TMEM132C: variants seen among roughly 807,000 people sequenced by gnomAD.
TMEM132C encodes the protein transmembrane protein 132C.
TMEM132C carries 29 observed loss-of-function variants against 61.4 expected under a neutral mutation model. The observed-to-expected ratio is 0.47, with a 90% CI of 0.35 to 0.64. The LOEUF is 0.64. Among genes scored for constraint, TMEM132C ranks in the 30% least tolerant of loss-of-function variants. The pLI is 0.00. For missense variants in TMEM132C, 1,408 were observed against 1,476.9 expected (o/e 0.95, Z 0.76); for synonymous variants, 656 against 633.1 (o/e 1.04, Z -0.54).
intron 2 of TMEM132C, among the ~76,000 whole-genome samples, chr12:128,455,022 G>A (rs1234374355): frequency 1.3e-5 from 2 of 152,186 alleles, no homozygotes; most frequent in Non-Finnish European, 2.9e-5. Context: ...TCCTCCTCAT[G>A]TCCACAAAAT....
intron 1 of TMEM132C, among the ~76,000 whole-genome samples, chr12:128,300,463 T>A (rs1316088670): frequency 6.6e-6 from 1 of 152,078 alleles, no homozygotes; most frequent in African/African-American, 2.4e-5. Flanking sequence ...CTTCCTGCAT[T>A]TTTTCTTCTG....
intron 6 of TMEM132C, 81 bp from the exon 7 acceptor site, chr12:128,695,749 T>C (rs1057318943): frequency 1.4e-6 from 2 of 1,432,968 alleles, no homozygotes; most frequent in African/African-American, 2.9e-5. Context: ...CTCCTTGAGG[T>C]TGAGGTGAGC....
rs559696038 is a variant in TMEM132C, at chr12:128,330,411, G to A, written c.85+62924G>A. On this transcript the variant is annotated intron_variant, in intron 1 of 8. Transcript: ENST00000435159. ...TTTTTAAAAGTGTATTTCTAGGGCC[G>A]GCATAGTGGTGTGCACCTGTAGTCC... Among the ~76,000 whole-genome samples, 4 of 152,198 alleles carry A rather than the reference G, an allele frequency of 2.6e-5. No individual in the cohort carries two copies. The South Asian group carries it at 6.2e-4, about 24-fold the overall frequency.
At chr12:128,672,213 G>A (rs1368066295) in intron 5 of TMEM132C, among the ~76,000 whole-genome samples, 1 of 151,986 alleles carries the variant, frequency 6.6e-6, no homozygotes, top group Non-Finnish European at 1.5e-5. Flanking sequence ...CCCATTTCCA[G>A]TGCTTCATAG....
chr12:128,398,164 T>C (rs953475683), intron 1 of TMEM132C, among the ~76,000 whole-genome samples: 8 of 152,256 alleles, frequency 5.3e-5, no homozygotes, highest in Non-Finnish European at 1.2e-4. Flanking sequence ...GCTCAAGCCA[T>C]GGAGGAGAAA....
chr12:128,606,192 C>A (rs1439073055), intron 3 of TMEM132C, among the ~76,000 whole-genome samples: 1 of 152,252 alleles, frequency 6.6e-6, no homozygotes, highest in African/African-American at 2.4e-5. Context: ...TGGAGAATGA[C>A]TACATGACAC....
intron 2 of TMEM132C, among the ~76,000 whole-genome samples, chr12:128,503,262 G>A (rs10847631): frequency 0.054 from 8,233 of 152,288 alleles, 312 homozygotes; most frequent in African/African-American, 0.11. Context: ...TTCATCTGAC[G>A]AAAGCTTGAT....
Position 128,415,349 on chromosome 12 carries a change from G to A in TMEM132C, c.703G>A (p.Gly235Arg). The A allele has an allele frequency of 6.4e-7, 1 of 1,574,144 alleles. No homozygotes were observed. Among genetic ancestry groups the A allele is most frequent in the South Asian group, 1.2e-5 (1 of 86,390 alleles). ...PVELYYTVHP[G>R]NERGDCAGGD... ...GGAGCTCTACTACACCGTGCACCCA[G>A]GAAACGAGCGAGGGGACTGTGCCGG... The change falls in exon 2 of 9, where the codon GGA becomes AGA. Residue 235 changes from glycine to arginine, a missense_variant. By Grantham distance (125) the Gly-to-Arg change is moderately radical. Transcript: ENST00000435159. This position sits in a 1 kb window ranked among gnomAD's most constrained non-coding sequence, Gnocchi z 5.8.
At chr12:128,614,564 C>T (rs990923222) in intron 3 of TMEM132C, among the ~76,000 whole-genome samples, 1 of 152,230 alleles carries the variant, frequency 6.6e-6, no homozygotes, top group African/African-American at 2.4e-5. Context: ...GGAGATGCTA[C>T]ATTTTATGTT....
intron 5 of TMEM132C, among the ~76,000 whole-genome samples, chr12:128,691,761 C>T (rs1425625001): frequency 6.6e-6 from 1 of 151,720 alleles, no homozygotes; most frequent in Non-Finnish European, 1.5e-5. Flanking sequence ...CACCCATTCA[C>T]CTGTCCACCC....
At chr12:128,688,553 T>C (rs1307444304) in intron 5 of TMEM132C, among the ~76,000 whole-genome samples, 2 of 152,310 alleles carry the variant, frequency 1.3e-5, no homozygotes, top group East Asian at 3.9e-4. Flanking sequence ...GTGACTCACA[T>C]GAACGTGCTA....
intron 1 of TMEM132C, among the ~76,000 whole-genome samples, chr12:128,296,627 A>C (rs1566046726): frequency 6.6e-6 from 1 of 152,178 alleles, no homozygotes; most frequent in Non-Finnish European, 1.5e-5. Flanking sequence ...GTCACTAGAA[A>C]GGGAGCTGGA....
At chr12:128,348,977 G>C (rs539694718) in intron 1 of TMEM132C, among the ~76,000 whole-genome samples, 3 of 152,118 alleles carry the variant, frequency 2.0e-5, no homozygotes, top group Admixed American at 2.0e-4. Flanking sequence ...TTTGTTATTT[G>C]TAACCCTGAA....
intron 4 of TMEM132C, among the ~76,000 whole-genome samples, chr12:128,635,579 T>C (rs1217720265): frequency 6.6e-6 from 1 of 151,894 alleles, no homozygotes; most frequent in Non-Finnish European, 1.5e-5. Context: ...AGCACACATA[T>C]GGGAGAGTTC....
At chr12:128,343,575 A>G (rs968699920) in intron 1 of TMEM132C, among the ~76,000 whole-genome samples, 11 of 152,180 alleles carry the variant, frequency 7.2e-5, no homozygotes, top group East Asian at 1.9e-4. Flanking sequence ...ATTCCACTAA[A>G]TCATTTTTTT....
chr12:128,377,546 G>T (rs1396830073), intron 1 of TMEM132C, among the ~76,000 whole-genome samples: 1 of 152,212 alleles, frequency 6.6e-6, no homozygotes, highest in East Asian at 1.9e-4. Flanking sequence ...AGCATGGAAT[G>T]AAATGGAAGT....
intron 2 of TMEM132C, among the ~76,000 whole-genome samples, chr12:128,418,875 C>A (rs1868875016): frequency 6.6e-6 from 1 of 152,198 alleles, no homozygotes; most frequent in African/African-American, 2.4e-5. Context: ...AAAAGATGAG[C>A]TCGGTCTGCT....
chr12:128,505,454 G>A (rs1483463163), intron 2 of TMEM132C, among the ~76,000 whole-genome samples: 1 of 152,142 alleles, frequency 6.6e-6, no homozygotes, highest in Non-Finnish European at 1.5e-5. Flanking sequence ...GCAATCAAAG[G>A]AGTCTGTGGG....
chr12:128,487,492 G>A (rs879338464), intron 2 of TMEM132C, among the ~76,000 whole-genome samples: 7 of 134,254 alleles, frequency 5.2e-5, no homozygotes, highest in African/African-American at 1.4e-4. Context: ...GTGTGTGTGT[G>A]TATGCCTGCA....
Sources: gnomAD v4.1 joint callset for allele counts (sites outside exome capture counted in the v4.1 genomes callset) on GRCh38, gnomAD v4.1.1 for gene constraint, Gnocchi (gnomAD v3.1) non-coding constraint, MANE v1.5 for transcripts, NCBI Gene and HGNC (gene_info 2026-07-23, HGNC 2026-07-21) for gene names.